Variants in TMX3 observed in about 807,000 individuals in gnomAD.
The protein encoded by TMX3 is protein disulfide-isomerase TMX3.
In TMX3, 40 loss-of-function variants were observed where a neutral mutation model predicts 64.4. The observed-to-expected ratio is 0.62, with a 90% CI of 0.48 to 0.81. TMX3 has a LOEUF of 0.81. TMX3 is among the 30% of genes least tolerant of loss of function. TMX3 has a pLI of 0.00. For synonymous variants in TMX3, 189 were observed against 175.7 expected (o/e 1.08, Z -0.60); for missense variants, 497 against 534.5 (o/e 0.93, Z 0.69).
chr18:68,698,044 A>T lies in TMX3; in HGVS notation c.393-13T>A. Reference sequence around the variant, plus strand: ...CCGAATTAGAGCCCTGTTGCACAACAAAACAAAAAACAAACTTGAATTATA... The same window carrying T: ...CCGAATTAGAGCCCTGTTGCACAACTAAACAAAAAACAAACTTGAATTATA... On this transcript the variant is annotated splice_polypyrimidine_tract_variant and intron_variant, in intron 6 of 15. Transcript: ENST00000299608. 1 of 1,556,142 alleles carries T rather than the reference A, an allele frequency of 6.4e-7. No homozygotes were observed. Among genetic ancestry groups the T allele is most frequent in the Non-Finnish European group, 8.8e-7 (1 of 1,134,896 alleles).
intron 9 of TMX3, among the ~76,000 whole-genome samples, chr18:68,690,718 T>C (rs190285709): frequency 2.3e-3 from 347 of 152,362 alleles, no homozygotes; most frequent in African/African-American, 8.0e-3. Flanking sequence ...AATGTCATGA[T>C]GGGCAAAGAT....
At chr18:68,689,393 GTT>G (rs537861563) in intron 9 of TMX3, among the ~76,000 whole-genome samples, 11 of 142,732 alleles carry the variant, frequency 7.7e-5, no homozygotes, top group African/African-American at 2.3e-4. Context: ...TATGATCAGT[GTT>G]TTTTTTTTTT....
chr18:68,692,597 T>C (rs1231814293), intron 8 of TMX3, among the ~76,000 whole-genome samples: 3 of 152,334 alleles, frequency 2.0e-5, no homozygotes, highest in East Asian at 3.9e-4. Context: ...CACAAAATTA[T>C]GGGCTTTGCA....
chr18:68,705,930 G>A (rs1021820690), intron 4 of TMX3, among the ~76,000 whole-genome samples: 3 of 152,202 alleles, frequency 2.0e-5, no homozygotes, highest in African/African-American at 7.2e-5. Flanking sequence ...ATTGAGAAAT[G>A]AGTTATTATC....
intron 6 of TMX3, 71 bp from the exon 7 acceptor site, chr18:68,698,102 A>G (rs1915293402): frequency 1.0e-6 from 1 of 961,340 alleles, no homozygotes; most frequent in African/African-American, 1.7e-5. Flanking sequence ...TTTATACTAT[A>G]ACTAATCATG....
At chr18:68,690,921 CA>C (rs1449485293) in intron 9 of TMX3, 1 of 195,174 alleles carries the variant, frequency 5.1e-6, no homozygotes, top group African/African-American at 2.3e-5. Context: ...GAGGGATACA[CA>C]GGGGCTTCAA....
intron 5 of TMX3, chr18:68,701,491 G>A: frequency 6.6e-6 from 4 of 602,664 alleles, no homozygotes; most frequent in Non-Finnish European, 1.1e-5. Flanking sequence ...ATTTATGACT[G>A]TATACTTGTC....
chr18:68,700,485 T>TC lies in TMX3; in HGVS notation c.312-1dup (p.Leu105IlefsTer8). The TC allele has an allele frequency of 6.7e-7, 1 of 1,503,626 alleles. No homozygotes were observed. Among genetic ancestry groups the TC allele is most frequent in the Non-Finnish European group, 8.9e-7 (1 of 1,117,776 alleles). 93.1% of individuals were successfully genotyped at this position (1,503,626 alleles called of 1,614,324 possible). A position where few individuals can be genotyped will look rare whatever the true frequency, so the allele number is the denominator to read the frequency against. The stretch of plus-strand genomic sequence containing the variant: ...AATTATATGCCAAGTCCCCTTTTAA[T>TC]CTTTAAAAAAAAAAAAAAATTAAAA... On this transcript the variant is annotated frameshift_variant and splice_region_variant. Coordinates refer to ENST00000299608, the MANE Select transcript of TMX3 (RefSeq NM_019022.5). LOFTEE classifies it high-confidence loss of function.
intron 6 of TMX3, among the ~76,000 whole-genome samples, chr18:68,699,396 T>C (rs924894141): frequency 2.6e-5 from 4 of 152,064 alleles, no homozygotes; most frequent in African/African-American, 9.7e-5. Context: ...TCATACAACA[T>C]AAAGTTATTT....
At chr18:68,698,813 G>C (rs187096424) in intron 6 of TMX3, among the ~76,000 whole-genome samples, 17 of 151,796 alleles carry the variant, frequency 1.1e-4, no homozygotes, top group Admixed American at 2.0e-4. Context: ...TCAGGAGGTC[G>C]AGACCATCCT....
intron 8 of TMX3, 25 bp downstream of exon 8, chr18:68,697,201 G>A (rs541340502): frequency 3.8e-5 from 48 of 1,267,466 alleles, no homozygotes; most frequent in South Asian, 1.2e-4. Context: ...AAATTGTGTC[G>A]TTAAAATCAA....
chr18:68,704,817 G>A (rs939816773), intron 4 of TMX3, among the ~76,000 whole-genome samples: 2 of 152,168 alleles, frequency 1.3e-5, no homozygotes, highest in Non-Finnish European at 2.9e-5. Context: ...TTTGATGCTA[G>A]AGGTAAGTAG....
chr18:68,696,825 T>C (rs1183570498), intron 8 of TMX3: 1 of 160,632 alleles, frequency 6.2e-6, no homozygotes, highest in African/African-American at 2.4e-5. Flanking sequence ...TATTGATTTG[T>C]TTACTGAGGA....
In TMX3 at chr18:68,676,675, T is replaced by G. The variant is rs1912950144; in HGVS notation, c.*258A>C. The G allele has an allele frequency of 2.4e-6, 1 of 410,992 alleles. No individual in the cohort carries two copies. The highest frequency in any genetic ancestry group is 2.0e-5 in the African/African-American group (1 of 48,956). The allele number at this position is 410,992 out of a possible 1,614,324, so 25.5% of individuals were successfully genotyped here. A position where few individuals can be genotyped will look rare whatever the true frequency, so the allele number is the denominator to read the frequency against. ...ATATTCAGATAGAGAAACATGCAAA[T>G]AGAATTGTTCTGTTCTAATCACAAA... On this transcript the variant is annotated 3_prime_UTR_variant, in exon 16 of 16. Transcript: ENST00000299608.
chr18:68,701,750 A>C lies in TMX3; in HGVS notation c.306T>G (p.Ile102Met). 2 of 1,612,024 alleles carry C rather than the reference A, an allele frequency of 1.2e-6. No individual in the cohort carries two copies. Among genetic ancestry groups the C allele is most frequent in the Admixed American group, 1.7e-5 (1 of 59,996 alleles). ...SEFGVRGYPT[I>M]KLLKGDLAYN... ...ACATACAACACTCAACTTACAGCTT[A>C]ATTGTTGGATAACCTCGAACTCCAA... The change falls in exon 5 of 16, where the codon ATT (isoleucine) becomes ATG (methionine). Residue 102 changes from isoleucine to methionine, a missense_variant. Ile to Met is a conservative substitution (Grantham distance 10). This residue lies in a region of TMX3 where 360 missense variants were observed against 383.5 expected (regional missense o/e 0.94). Coordinates refer to ENST00000299608, the MANE Select transcript of TMX3 (RefSeq NM_019022.5).
Position 68,676,584 on chromosome 18 carries a change from A to G in TMX3, c.*349T>C, listed in dbSNP as rs181989174. 106 of 203,294 alleles carry G rather than the reference A, an allele frequency of 5.2e-4. No homozygotes were observed. In the East Asian group the frequency reaches 0.011, roughly 22 times the overall value. The allele number at this position is 203,294 out of a possible 1,614,324, so 12.6% of individuals were successfully genotyped here. On this transcript the variant is annotated 3_prime_UTR_variant, in exon 16 of 16. Transcript: ENST00000299608. ...GAGGCATTATTTTTCTATATCACAC[A>G]TGTATCTTCTACCTGACTGACCAAT...
At chr18:68,700,990 T>C (rs1459888584) in intron 5 of TMX3, 1 of 985,070 alleles carries the variant, frequency 1.0e-6, no homozygotes, top group East Asian at 1.1e-4. Flanking sequence ...AGCCAACCAA[T>C]GAATTAATCT....
chr18:68,692,988 C>G (rs556050046), intron 8 of TMX3, among the ~76,000 whole-genome samples: 1 of 152,170 alleles, frequency 6.6e-6, no homozygotes, highest in African/African-American at 2.4e-5. Flanking sequence ...GCTTGCAAAG[C>G]TTTGTAGATG....
intron 4 of TMX3, among the ~76,000 whole-genome samples, chr18:68,708,155 A>G (rs2030917789): frequency 6.6e-6 from 1 of 152,078 alleles, no homozygotes; most frequent in African/African-American, 2.4e-5. Context: ...ATAACTTCTT[A>G]GACATTGTTA....
Sources: gnomAD v4.1 joint callset for allele counts (sites outside exome capture counted in the v4.1 genomes callset) on GRCh38, gnomAD v4.1.1 for gene constraint, gnomAD v4.1.1 regional missense constraint, MANE v1.5 for transcripts, NCBI Gene and HGNC (gene_info 2026-07-23, HGNC 2026-07-21) for gene names.